The following TRAPPC9 variants were observed in gnomAD, a reference collection of about 807,000 sequenced individuals.
The protein encoded by TRAPPC9 is IKK2 binding protein.
In TRAPPC9, 83 loss-of-function variants were observed where a neutral mutation model predicts 124.0. The observed-to-expected ratio is 0.67, with a 90% CI of 0.56 to 0.80. TRAPPC9 has a LOEUF of 0.80. Ranked by LOEUF, TRAPPC9 falls within the 30% of genes least tolerant of loss-of-function variation. The pLI, the probability that TRAPPC9 is intolerant of heterozygous loss-of-function variation, is 0.00. For missense variants in TRAPPC9, 1,302 were observed against 1,508.3 expected (o/e 0.86, Z 2.27); for synonymous variants, 638 against 617.5 (o/e 1.03, Z -0.49).
intron 20 of TRAPPC9, among the ~76,000 whole-genome samples, chr8:139,909,460 A>G (rs1430310550): frequency 1.3e-5 from 2 of 151,006 alleles, no homozygotes; most frequent in African/African-American, 5.0e-5. Context: ...CATCCACTTC[A>G]TACTAGACAA....
chr8:140,282,199 G>A (rs180946883), intron 14 of TRAPPC9, among the ~76,000 whole-genome samples: 242 of 152,168 alleles, frequency 1.6e-3, no homozygotes, highest in African/African-American at 5.4e-3. Flanking sequence ...AGTGTTATTC[G>A]TAAGTGCAAA....
At chr8:140,275,577 GA>G (rs2065086553) in intron 15 of TRAPPC9, 80 bp downstream of exon 15, 2 of 1,490,994 alleles carry the variant, frequency 1.3e-6, no homozygotes, top group Admixed American at 3.4e-5. Flanking sequence ...TAGATTCTCT[GA>G]AAACTGAGAA....
chr8:140,270,995 C>T (rs79336390), intron 15 of TRAPPC9, among the ~76,000 whole-genome samples: 2,240 of 152,276 alleles, frequency 0.015, 46 homozygotes, highest in African/African-American at 0.051. Context: ...ATAATGGGCA[C>T]ACGATTACCA....
chr8:140,311,109 T>A (rs1205366641), intron 10 of TRAPPC9, 139 bp downstream of exon 10: 1 of 1,017,066 alleles, frequency 9.8e-7, no homozygotes, highest in Non-Finnish European at 1.4e-6. Flanking sequence ...TAGGGCTGCT[T>A]TCAAGTTTAA....
intron 17 of TRAPPC9, among the ~76,000 whole-genome samples, chr8:140,160,376 G>C (rs1476152041): frequency 6.6e-6 from 1 of 152,128 alleles, no homozygotes; most frequent in East Asian, 1.9e-4. Context: ...ATTCACAACA[G>C]CAAAGACTTG....
intron 1 of TRAPPC9, chr8:140,456,706 G>T: frequency 1.4e-6 from 1 of 739,894 alleles, no homozygotes; most frequent in Non-Finnish European, 1.7e-6. Flanking sequence ...AAATAAAGAT[G>T]TCATAGGTAG....
rs1826401656 is a variant in TRAPPC9, at chr8:139,836,979, GGGC to G, written c.3055+48897_3055+48899del. Among the ~76,000 whole-genome samples, 3 of 38,144 alleles carry G rather than the reference GGGC, an allele frequency of 7.9e-5. No homozygotes were observed. The South Asian group carries it at 2.3e-3, about 30-fold the overall frequency. 25.0% of individuals were successfully genotyped at this position (38,144 alleles called of 152,430 possible). ...AAAAGGAAATGACAAGGAGGACTTG[GGGC>G]CTAGCGATCTGGGTTCAAGTCCTGC... On this transcript the variant is annotated intron_variant, in intron 21 of 22. Transcript: ENST00000438773.
intron 19 of TRAPPC9, among the ~76,000 whole-genome samples, chr8:139,915,827 C>T (rs1038152221): frequency 1.3e-5 from 2 of 152,186 alleles, no homozygotes; most frequent in East Asian, 1.9e-4. Flanking sequence ...GAGTCACCTG[C>T]GTCTCTTCCA....
At chr8:139,840,406 G>A (rs1260447523) in intron 21 of TRAPPC9, among the ~76,000 whole-genome samples, 1 of 152,102 alleles carries the variant, frequency 6.6e-6, no homozygotes, top group Non-Finnish European at 1.5e-5. Flanking sequence ...AATGTGAGTT[G>A]ATTCCATTGA....
chr8:140,348,752 A>G (rs930778408), intron 9 of TRAPPC9, among the ~76,000 whole-genome samples: 5 of 152,182 alleles, frequency 3.3e-5, no homozygotes, highest in African/African-American at 9.7e-5. Context: ...ATAGGTGCAC[A>G]TATCTGTGAA....
chr8:140,109,482 T>C (rs1178522145), intron 17 of TRAPPC9, among the ~76,000 whole-genome samples: 1 of 152,102 alleles, frequency 6.6e-6, no homozygotes, highest in Admixed American at 6.5e-5. Flanking sequence ...TGTGGTACAG[T>C]GAAACTAACA....
chr8:139,790,317 G>A (rs143958701), intron 21 of TRAPPC9, among the ~76,000 whole-genome samples: 53 of 152,316 alleles, frequency 3.5e-4, no homozygotes, highest in African/African-American at 1.2e-3. Flanking sequence ...CAGAAGTTCC[G>A]AGCCCACCAC....
chr8:140,161,847 C>T (rs761201309), intron 17 of TRAPPC9, among the ~76,000 whole-genome samples: 2 of 151,998 alleles, frequency 1.3e-5, no homozygotes, highest in African/African-American at 4.8e-5. Context: ...GGGGGCAGGG[C>T]GCTACAGATG....
chr8:140,371,121 G>C lies in TRAPPC9; in HGVS notation c.1194C>G (p.Ile398Met), dbSNP rs587780484. Residue 398 changes from isoleucine (I) to methionine (M), a missense_variant, in exon 8 of 23, where the codon ATC (isoleucine) becomes ATG (methionine). Physicochemically the swap from Ile to Met is conservative, Grantham distance 10. Around this residue, in one of 3 missense-constraint regions of TRAPPC9, gnomAD observed 657 missense variants for 811.2 expected, o/e 0.81. Transcript: ENST00000438773. ...AGAACGCAGACTTGCGATGGAAGCCGATCAGCTCATAGAGCTCGGAGAGGA... is the reference window on the plus strand; with the variant it reads ...AGAACGCAGACTTGCGATGGAAGCCCATCAGCTCATAGAGCTCGGAGAGGA... ...YSILSELYEL[I>M]GFHRKSAFFK... is the part of the protein sequence containing the mutation. 1 of 1,614,148 alleles carries C rather than the reference G, an allele frequency of 6.2e-7. No individual in the cohort carries two copies. The highest frequency in any genetic ancestry group is 1.7e-5 in the Admixed American group (1 of 60,026).
chr8:139,910,428 T>C (rs981274763), intron 19 of TRAPPC9, 128 bp from the exon 20 acceptor site: 10 of 1,024,804 alleles, frequency 9.8e-6, no homozygotes, highest in Non-Finnish European at 1.5e-5. Context: ...TCATAACGGA[T>C]TCATTCCAAG....
chr8:139,786,755 A>G (rs1822284000), intron 21 of TRAPPC9, among the ~76,000 whole-genome samples: 1 of 152,214 alleles, frequency 6.6e-6, no homozygotes, highest in South Asian at 2.1e-4. Flanking sequence ...GGACATGCAA[A>G]AACATACCTG....
intron 10 of TRAPPC9, among the ~76,000 whole-genome samples, chr8:140,304,492 C>A (rs1377515040): frequency 1.3e-5 from 2 of 152,190 alleles, no homozygotes; most frequent in East Asian, 3.9e-4. Context: ...GGATTTGTTT[C>A]CTAAGGAAGC....
At chr8:139,829,108 C>T (rs908621661) in intron 21 of TRAPPC9, among the ~76,000 whole-genome samples, 2 of 152,136 alleles carry the variant, frequency 1.3e-5, no homozygotes, top group East Asian at 1.9e-4. Context: ...TACAAATCTT[C>T]GTCTATATTT....
intron 21 of TRAPPC9, among the ~76,000 whole-genome samples, chr8:139,800,179 G>A (rs1023858861): frequency 3.9e-5 from 6 of 152,246 alleles, no homozygotes; most frequent in African/African-American, 9.6e-5. Context: ...TCCCCAGCCC[G>A]CTGTGCTGTG....
Sources: allele counts gnomAD v4.1 joint callset (sites outside exome capture counted in the v4.1 genomes callset), GRCh38; gene constraint gnomAD v4.1.1; regional missense constraint gnomAD v4.1.1; transcripts MANE v1.5; gene names NCBI Gene and HGNC (gene_info 2026-07-23, HGNC 2026-07-21).